Variants in NCOA3 observed in about 807,000 individuals in gnomAD.
NCOA3 encodes nuclear receptor coactivator 3.
A neutral mutation model predicts 158.8 loss-of-function variants in NCOA3; 51 were observed. The observed-to-expected ratio is 0.32, with a 90% confidence interval of 0.26 to 0.41. The LOEUF (loss-of-function observed/expected upper bound fraction) is 0.41. Among genes scored for constraint, NCOA3 ranks in the 10% least tolerant of loss-of-function variants. The pLI, the probability that NCOA3 is intolerant of heterozygous loss-of-function variation, is 1.00. For synonymous variants in NCOA3, 537 were observed against 592.4 expected (o/e 0.91, Z 1.36); for missense variants, 1,510 against 1,746.6 (o/e 0.86, Z 2.41).
At chr20:47,616,055 G>A (rs1022290915) in intron 2 of NCOA3, among the ~76,000 whole-genome samples, 6 of 151,796 alleles carry the variant, frequency 4.0e-5, no homozygotes, top group African/African-American at 1.5e-4. Flanking sequence ...CTACTCAGGA[G>A]GCTGAGGCAG....
intron 2 of NCOA3, among the ~76,000 whole-genome samples, chr20:47,596,828 G>A (rs1005594073): frequency 2.6e-5 from 4 of 152,152 alleles, no homozygotes; most frequent in Non-Finnish European, 4.4e-5. Flanking sequence ...GAGCTCAAGC[G>A]ATCCACCTGC....
At chr20:47,554,643 C>A (rs1330157394) in intron 1 of NCOA3, among the ~76,000 whole-genome samples, 1 of 151,916 alleles carries the variant, frequency 6.6e-6, no homozygotes, top group Non-Finnish European at 1.5e-5. Context: ...AGGAATCCAA[C>A]TTACAAGGGA....
In NCOA3 at chr20:47,635,337, T is replaced by C. The variant is rs1459972097; in HGVS notation, c.1128T>C (p.Tyr376=). Residue 376 remains tyrosine, a synonymous_variant, in exon 11 of 23, where the codon TAT becomes TAC. Coordinates refer to ENST00000371998, the MANE Select transcript of NCOA3 (RefSeq NM_181659.3). ...TGTTTTGCAGAGAACAGAATGGATA[T>C]AGACCAAACCCAAATCCTGTTGGAC... The part of the protein sequence containing the change: ...THFLQREQNG[Y]RPNPNPVGQG... 11 of 1,602,168 alleles carry C rather than the reference T, an allele frequency of 6.9e-6. No individual in the cohort carries two copies. The highest frequency in any genetic ancestry group is 9.4e-6 in the Non-Finnish European group (11 of 1,170,236).
intron 19 of NCOA3, 113 bp from the exon 20 acceptor site, chr20:47,650,865 AAAAG>A (rs1385249585): frequency 2.8e-5 from 28 of 1,007,058 alleles, no homozygotes; most frequent in Non-Finnish European, 3.7e-5. Context: ...CCTGTTAAAA[AAAAG>A]AAGGCCCTGG....
At chr20:47,651,805 GGT>G (rs1213259825) in intron 20 of NCOA3, among the ~76,000 whole-genome samples, 2 of 151,832 alleles carry the variant, frequency 1.3e-5, no homozygotes, top group East Asian at 3.9e-4. Context: ...TGGGACTACA[GGT>G]GCATTCCACC....
intron 1 of NCOA3, among the ~76,000 whole-genome samples, chr20:47,573,231 T>C (rs2085321813): frequency 6.6e-6 from 1 of 151,960 alleles, no homozygotes; most frequent in Admixed American, 6.6e-5. Context: ...AAACCCTGTC[T>C]CTACTACAAA....
At chr20:47,547,664 C>T (rs1307996182) in intron 1 of NCOA3, among the ~76,000 whole-genome samples, 4 of 151,870 alleles carry the variant, frequency 2.6e-5, no homozygotes, top group East Asian at 1.9e-4. Flanking sequence ...GTGATCCACC[C>T]GCCTCGGCCT....
Position 47,636,775 on chromosome 20 carries a change from C to G in NCOA3, c.2376+13C>G. On this transcript the variant is annotated intron_variant, in intron 12 of 22. Transcript: ENST00000371998. ...GACAAGTGAAGAGGTAATTTGTTTT[C>G]TGTATATTTCAGCTCATATTTCATC... 6.3e-7 allele frequency: 1 copy of G among 1,575,748 alleles called. No individual in the cohort carries two copies. The highest frequency in any genetic ancestry group is 1.2e-5 in the South Asian group (1 of 86,542).
chr20:47,625,351 T>G, intron 4 of NCOA3, 30 bp from the exon 5 acceptor site: 1 of 1,455,838 alleles, frequency 6.9e-7, no homozygotes, highest in Non-Finnish European at 9.6e-7. Flanking sequence ...GATAGTGTGT[T>G]ATTCGTTATA....
chr20:47,626,119 A>G (rs1340370959), intron 5 of NCOA3, among the ~76,000 whole-genome samples: 1 of 152,218 alleles, frequency 6.6e-6, no homozygotes, highest in Non-Finnish European at 1.5e-5. Flanking sequence ...TTTTTGCGTG[A>G]TTGATCACAT....
intron 1 of NCOA3, among the ~76,000 whole-genome samples, chr20:47,543,578 C>T (rs2425960): frequency 0.16 from 23,320 of 149,676 alleles, 2,844 homozygotes; most frequent in African/African-American, 0.33. Context: ...GGTGGGATCT[C>T]GGCTCACCGC....
At chr20:47,653,175 G>A (rs1602553081) in intron 22 of NCOA3, 103 bp downstream of exon 22, 1 of 1,366,978 alleles carries the variant, frequency 7.3e-7, no homozygotes, top group Non-Finnish European at 9.9e-7. Flanking sequence ...ATTTTAACTT[G>A]AATGTATAAC....
chr20:47,563,147 C>T (rs2085134600), intron 1 of NCOA3, among the ~76,000 whole-genome samples: 1 of 152,224 alleles, frequency 6.6e-6, no homozygotes. Flanking sequence ...TCGAAGACTA[C>T]TGCTGGATGT....
At chr20:47,581,513 C>G (rs2085452221) in intron 1 of NCOA3, among the ~76,000 whole-genome samples, 1 of 152,172 alleles carries the variant, frequency 6.6e-6, no homozygotes, top group Admixed American at 6.5e-5. Flanking sequence ...CGTGGAATGT[C>G]CATGGCTATA....
chr20:47,576,188 G>A (rs1236074983), intron 1 of NCOA3, among the ~76,000 whole-genome samples: 2 of 152,120 alleles, frequency 1.3e-5, no homozygotes, highest in African/African-American at 4.8e-5. Flanking sequence ...TTATGAAAAG[G>A]ATAGAGGAAC....
chr20:47,612,512 A>T (rs1229120786), intron 2 of NCOA3, among the ~76,000 whole-genome samples: 1 of 151,496 alleles, frequency 6.6e-6, no homozygotes, highest in African/African-American at 2.4e-5. Flanking sequence ...GGGAAAGATT[A>T]AAAAAAAATT....
In NCOA3 at chr20:47,622,300, G is replaced by A. The variant is rs145438835; in HGVS notation, c.53G>A (p.Arg18His). Residue 18 changes from arginine to histidine, a missense_variant, in exon 3 of 23, where the codon CGC becomes CAC. Arg to His is a conservative substitution (Grantham distance 29). Around this residue, in one of 4 missense-constraint regions of NCOA3, gnomAD observed 309 missense variants for 427.1 expected, o/e 0.72. Coordinates refer to ENST00000371998, the MANE Select transcript of NCOA3 (RefSeq NM_181659.3). ...LDPLASDSRKRKLPCDTPGQG... is the reference protein window; with the variant it reads ...LDPLASDSRKHKLPCDTPGQG... ...CCACTGGCCAGTGATTCACGAAAAC[G>A]CAAATTGCCATGTGATACTCCAGGA... The A allele has an allele frequency of 1.2e-5, 20 of 1,606,124 alleles. No homozygotes were observed. Among genetic ancestry groups the A allele is most frequent in the Middle Eastern group, 1.7e-4 (1 of 6,048 alleles).
At chr20:47,511,410 ATTTTTTTTTTTTT>A (rs35591258) in intron 1 of NCOA3, among the ~76,000 whole-genome samples, 1 of 86,396 alleles carries the variant, frequency 1.2e-5, no homozygotes. Flanking sequence ...ACCATGCCTA[ATTTTTTTTTTTTT>A]TTTTTTTTTG....
At chr20:47,652,875 G>A in intron 21 of NCOA3, 56 bp from the exon 22 acceptor site, 9 of 1,582,190 alleles carry the variant, frequency 5.7e-6, no homozygotes, top group Non-Finnish European at 7.8e-6. Flanking sequence ...CTGTGGGCAT[G>A]CCCTTTGTCG....
Sources: gnomAD v4.1 joint callset for allele counts (sites outside exome capture counted in the v4.1 genomes callset) on GRCh38, gnomAD v4.1.1 for gene constraint, gnomAD v4.1.1 regional missense constraint, MANE v1.5 for transcripts, NCBI Gene and HGNC (gene_info 2026-07-23, HGNC 2026-07-21) for gene names.